TTC19: variants seen among roughly 807,000 people sequenced by gnomAD.
TTC19 encodes the protein tetratricopeptide repeat protein 19, mitochondrial.
Under a neutral mutation model 49.5 loss-of-function variants are expected in TTC19, and 38 were observed. The ratio of observed to expected loss-of-function variants is 0.77; its 90% confidence interval spans 0.59 to 1.01. TTC19 has a LOEUF of 1.01. Among genes scored for constraint, TTC19 ranks in the 50% least tolerant of loss-of-function variants. The probability of loss-of-function intolerance (pLI) is 0.00; values close to 1 mark genes in which losing one functional copy is unlikely to be tolerated. For synonymous variants in TTC19, 204 were observed against 185.2 expected, an observed-to-expected ratio of 1.10 and a Z score of -0.83; for missense variants, 475 against 477.7, an observed-to-expected ratio of 0.99 and a Z score of 0.05.
downstream of TTC19, among the ~76,000 whole-genome samples, chr17:16,033,621 TCTCTGAAA>T (rs1973005160): frequency 6.7e-6 from 1 of 149,488 alleles, no homozygotes; most frequent in Non-Finnish European, 1.5e-5. Context: ...GGCTTATAAT[TCTCTGAAA>T]CTCTAAAATT....
chr17:16,000,576 C>A, intron 2 of TTC19: 1 of 383,622 alleles, frequency 2.6e-6, no homozygotes, highest in Non-Finnish European at 4.0e-6. Context: ...TAATTTCGCA[C>A]GTATATAGCG....
chr17:16,008,990 A>G (rs1032042376), intron 7 of TTC19, among the ~76,000 whole-genome samples: 1 of 152,182 alleles, frequency 6.6e-6, no homozygotes, highest in Non-Finnish European at 1.5e-5. Flanking sequence ...TTTGTCTTCC[A>G]TATCAAAGAA....
chr17:16,039,581 C>T, intron 2 of TTC19: 1 of 1,614,148 alleles, frequency 6.2e-7, no homozygotes, highest in South Asian at 1.1e-5. Context: ...CCATGAGAGC[C>T]TTCCTGATAA....
chr17:16,002,595 C>A, intron 3 of TTC19, 198 bp from the exon 4 acceptor site: 1 of 614,362 alleles, frequency 1.6e-6, no homozygotes, highest in Non-Finnish European at 2.9e-6. Context: ...GGTTTGTTAA[C>A]AACAAAGTAT....
At chr17:16,017,573 A>T (rs577173524) in intron 7 of TTC19, among the ~76,000 whole-genome samples, 1 of 152,160 alleles carries the variant, frequency 6.6e-6, no homozygotes, top group East Asian at 1.9e-4. Flanking sequence ...CAGCCTGGCC[A>T]ACATAGTGAA....
At chr17:16,016,102 A>G (rs1971206021) in intron 7 of TTC19, among the ~76,000 whole-genome samples, 1 of 151,980 alleles carries the variant, frequency 6.6e-6, no homozygotes. Context: ...CTGGTCCCTT[A>G]GGTGGGAGAT....
downstream of TTC19, chr17:16,031,206 GGT>G (rs1971926693): frequency 5.0e-6 from 1 of 199,620 alleles, no homozygotes; most frequent in South Asian, 1.9e-4. Context: ...AGTAAATGCT[GGT>G]CCATAGTGAT....
chr17:16,028,580 G>A lies in TTC19; in HGVS notation c.*1058G>A. 1 of 453,884 alleles carries A rather than the reference G, an allele frequency of 2.2e-6. No individual in the cohort carries two copies. Among genetic ancestry groups the A allele is most frequent in the Non-Finnish European group, 4.4e-6 (1 of 226,744 alleles). 28.1% of individuals were successfully genotyped at this position (453,884 alleles called of 1,614,324 possible). On this transcript the variant is annotated 3_prime_UTR_variant, in exon 10 of 10. Transcript: ENST00000261647. ...TCTCAAAGTATGTAAAGATACATAG[G>A]TGGATGCTCTTACTGCAGCAGTCAT...
Position 16,028,829 on chromosome 17 carries a change from A to AAAAAAAAAAC in TTC19, c.*1316_*1317insCAAAAAAAAA, listed in dbSNP as rs1971704918. 2.7e-6 allele frequency: 1 copy of AAAAAAAAAAC among 364,578 alleles called. No homozygotes were observed. The highest frequency in any genetic ancestry group is 5.3e-6 in the Non-Finnish European group (1 of 190,226). 22.6% of individuals were successfully genotyped at this position (364,578 alleles called of 1,614,324 possible). ...ATCTTTGCATTTCTCAAAAAAAAAA[A>AAAAAAAAAAC]AAAAAAAAAAAAAAAAACTTTCTGA... On this transcript the variant is annotated 3_prime_UTR_variant, in exon 10 of 10. Coordinates refer to ENST00000261647, the MANE Select transcript of TTC19 (RefSeq NM_017775.4).
chr17:16,044,815 TG>T, exon 3 of TTC19: 2 of 1,093,486 alleles, frequency 1.8e-6, no homozygotes, highest in Non-Finnish European at 1.4e-6. Flanking sequence ...ATGTAGGGGC[TG>T]GTGGACCTGC....
At chr17:16,030,231 G>A (rs1971806925), downstream of TTC19, 2 of 228,622 alleles carry the variant, frequency 8.7e-6, no homozygotes, top group Non-Finnish European at 8.6e-6. Context: ...TCATCATGAA[G>A]GTCTTCATCC....
intron 2 of TTC19, among the ~76,000 whole-genome samples, chr17:16,036,098 TTAAA>T (rs1467771318): frequency 6.6e-6 from 1 of 152,254 alleles, no homozygotes. Flanking sequence ...AATGTATTTC[TTAAA>T]TAATAAGACT....
chr17:16,000,072 CAG>C, intron 1 of TTC19, 40 bp downstream of exon 1: 1 of 1,352,020 alleles, frequency 7.4e-7, no homozygotes, highest in Non-Finnish European at 9.4e-7. Flanking sequence ...CGGGCGGGGA[CAG>C]GGGCGCGGGC....
intron 6 of TTC19, among the ~76,000 whole-genome samples, chr17:16,004,602 A>G (rs1970840035): frequency 6.6e-6 from 1 of 152,204 alleles, no homozygotes; most frequent in South Asian, 2.1e-4. Flanking sequence ...GCTGGGGATA[A>G]TATATTAATA....
intron 6 of TTC19, among the ~76,000 whole-genome samples, chr17:16,005,695 A>G (rs1970883179): frequency 6.6e-6 from 1 of 152,202 alleles, no homozygotes; most frequent in Admixed American, 6.5e-5. Context: ...CCATTTCTGC[A>G]AAAGAAACTT....
At chr17:16,043,906 A>G (rs2152110512) in intron 2 of TTC19, among the ~76,000 whole-genome samples, 1 of 152,340 alleles carries the variant, frequency 6.6e-6, no homozygotes, top group African/African-American at 2.4e-5. Context: ...ACAGTGGTTC[A>G]CGCCTGTAAT....
chr17:16,041,404 C>CTTTTATTT, intron 2 of TTC19: 1 of 103,790 alleles, frequency 9.6e-6, no homozygotes, highest in Non-Finnish European at 1.9e-5. Flanking sequence ...TGTGAAAGTT[C>CTTTTATTT]TTTTTTTTTT....
At chr17:16,042,466 A>G (rs2057901097) in intron 2 of TTC19, among the ~76,000 whole-genome samples, 1 of 152,252 alleles carries the variant, frequency 6.6e-6, no homozygotes, top group African/African-American at 2.4e-5. Context: ...TGGAGCTTAC[A>G]GTGCAGTGTG....
chr17:16,018,078 CTG>C (rs1971268111), intron 7 of TTC19, among the ~76,000 whole-genome samples: 1 of 152,092 alleles, frequency 6.6e-6, no homozygotes, highest in African/African-American at 2.4e-5. Flanking sequence ...TGTTTTTTCT[CTG>C]TGATCTGGAA....
Sources: allele counts gnomAD v4.1 joint callset (sites outside exome capture counted in the v4.1 genomes callset), GRCh38; gene constraint gnomAD v4.1.1; transcripts MANE v1.5; gene names NCBI Gene and HGNC (gene_info 2026-07-23, HGNC 2026-07-21).